The following PRIM2 variants were observed in gnomAD, a reference collection of about 807,000 sequenced individuals.
PRIM2 encodes the protein DNA primase large subunit.
PRIM2 carries 39 observed loss-of-function variants against 67.3 expected under a neutral mutation model. That is an observed-to-expected ratio of 0.58 (90% CI 0.45 to 0.76). PRIM2 has a LOEUF of 0.76. Ranked by LOEUF, PRIM2 falls within the 30% of genes least tolerant of loss-of-function variation. The probability of loss-of-function intolerance (pLI) is 0.00; values close to 1 mark genes in which losing one functional copy is unlikely to be tolerated. For synonymous variants in PRIM2, 143 were observed against 198.7 expected (o/e 0.72, Z 2.36); for missense variants, 398 against 598.7 (o/e 0.66, Z 3.50).
chr6:57,317,340 T>C (rs1171244575), upstream of PRIM2, among the ~76,000 whole-genome samples: 1 of 152,180 alleles, frequency 6.6e-6, no homozygotes, highest in Non-Finnish European at 1.5e-5. Context: ...GTTACATTGG[T>C]TCAATTTTCG....
intron 10 of PRIM2, among the ~76,000 whole-genome samples, chr6:57,577,621 G>T (rs1775987612): frequency 6.6e-6 from 1 of 151,950 alleles, no homozygotes; most frequent in Admixed American, 6.6e-5. Flanking sequence ...TAGAGATGGG[G>T]TTTCACCATA....
At chr6:57,223,173 T>C in the PRIM2 span, among the ~76,000 whole-genome samples, 1 of 152,194 alleles carries the variant, frequency 6.6e-6, no homozygotes, top group Non-Finnish European at 1.5e-5. Context: ...GGAAACCTAA[T>C]GCCCAGCATA....
chr6:57,597,645 C>T (rs1776389449), intron 10 of PRIM2, among the ~76,000 whole-genome samples: 2 of 152,020 alleles, frequency 1.3e-5, no homozygotes, highest in Non-Finnish European at 2.9e-5. Context: ...GAAGTAATAT[C>T]CTTTATAAAT....
At chr6:57,340,462 T>C (rs62418095) in intron 5 of PRIM2, among the ~76,000 whole-genome samples, 5 of 147,476 alleles carry the variant, frequency 3.4e-5, no homozygotes, top group African/African-American at 1.3e-4. Flanking sequence ...AACCCAAATG[T>C]CCAACAATGA....
chr6:57,508,019 C>T (rs1554347361), intron 8 of PRIM2, among the ~76,000 whole-genome samples: 3 of 152,204 alleles, frequency 2.0e-5, no homozygotes, highest in Non-Finnish European at 4.4e-5. Context: ...TCACTGCAAC[C>T]TCTGCCTCCC....
In PRIM2 at chr6:57,468,954, G is replaced by A. The variant is rs1295876005; in HGVS notation, c.694-38433G>A. ...TGATTTATTTCATTGAAGACCTTAG[G>A]CCTTGACTCCAGGCTTGTTGCAATT... is the stretch of plus-strand genomic sequence containing the variant. On this transcript the variant is annotated intron_variant, in intron 7 of 13. Transcript: ENST00000615550. Among the ~76,000 whole-genome samples the A allele has an allele frequency of 3.9e-5, 6 of 152,234 alleles. No individual in the cohort carries two copies. The East Asian group carries it at 9.7e-4, about 25-fold the overall frequency.
rs2127479723 is a variant in PRIM2, at chr6:57,565,729, C to T, written c.1020+28104C>T. On this transcript the variant is annotated intron_variant, in intron 10 of 13. Transcript: ENST00000615550. The stretch of plus-strand genomic sequence containing the variant: ...ATGTTTAGCTAAATATCTGGGCACG[C>T]TGTGATTTAGTCAAGTTGGCATGTG... Among the ~76,000 whole-genome samples, 2 of 152,248 alleles carry T rather than the reference C, an allele frequency of 1.3e-5. 1 individual carries two copies. The highest frequency in any genetic ancestry group is 4.1e-4 in the South Asian group (2 of 4,820).
intron 3 of PRIM2, among the ~76,000 whole-genome samples, chr6:57,322,117 AG>A (rs1406729947): frequency 6.6e-6 from 1 of 152,182 alleles, no homozygotes; most frequent in African/African-American, 2.4e-5. Flanking sequence ...TGAAAAGAGA[AG>A]AGAAATAGGG....
the PRIM2 span, among the ~76,000 whole-genome samples, chr6:57,280,390 T>A: frequency 1.4e-4 from 21 of 152,180 alleles, no homozygotes; most frequent in Non-Finnish European, 2.9e-4. Context: ...TGTATTCTTT[T>A]TTTTTTAAAT....
In PRIM2 at chr6:57,456,304, C is replaced by G. The variant is rs1268742387; in HGVS notation, c.694-51083C>G. Among the ~76,000 whole-genome samples, 3 of 152,306 alleles carry G rather than the reference C, an allele frequency of 2.0e-5. No individual in the cohort carries two copies. In the East Asian group the frequency reaches 5.8e-4, roughly 29 times the overall value. On this transcript the variant is annotated intron_variant, in intron 7 of 13. Coordinates refer to ENST00000615550, the MANE Select transcript of PRIM2 (RefSeq NM_000947.5). ...TCGAGGAGTATCTTTGTGGCATTCT[C>G]TGTGTTTCCTGAATTTGAATGTTGG... is the stretch of plus-strand genomic sequence containing the variant.
intron 8 of PRIM2, among the ~76,000 whole-genome samples, chr6:57,509,275 C>T (rs1774311060): frequency 6.6e-6 from 1 of 151,886 alleles, no homozygotes; most frequent in Non-Finnish European, 1.5e-5. Context: ...GACTGAATAG[C>T]ATACATTTTT....
At chr6:57,604,194 G>A (rs1240323966) in intron 11 of PRIM2, among the ~76,000 whole-genome samples, 1 of 152,088 alleles carries the variant, frequency 6.6e-6, no homozygotes, top group Non-Finnish European at 1.5e-5. Flanking sequence ...GCGTGCACCT[G>A]TAATTCCAGC....
intron 5 of PRIM2, among the ~76,000 whole-genome samples, chr6:57,363,995 C>G (rs1769274731): frequency 6.6e-6 from 1 of 151,032 alleles, no homozygotes; most frequent in African/African-American, 2.4e-5. Context: ...GAACTATTTC[C>G]CAGTTTGTTA....
intron 7 of PRIM2, among the ~76,000 whole-genome samples, chr6:57,445,931 C>G (rs1292171683): frequency 6.6e-6 from 1 of 152,192 alleles, no homozygotes; most frequent in Non-Finnish European, 1.5e-5. Flanking sequence ...TCCCAGCAGC[C>G]TGACACACCA....
At chr6:57,240,804 T>C in the PRIM2 span, among the ~76,000 whole-genome samples, 145,716 of 152,256 alleles carry the variant, frequency 0.96, 69,757 homozygotes, top group South Asian at 0.99. Context: ...AACAAAAATA[T>C]TAAGCTGCGC....
In PRIM2 at chr6:57,429,209, G is replaced by A. The variant is rs1388929496; in HGVS notation, c.693+47041G>A. 3.3e-5 allele frequency among the ~76,000 whole-genome samples: 5 copies of A among 152,150 alleles called. No homozygotes were observed. The East Asian group carries it at 5.8e-4, about 18-fold the overall frequency. On this transcript the variant is annotated intron_variant, in intron 7 of 13. Transcript: ENST00000615550. ...TTTTGCCCTATGGGAGGGAGATTGG[G>A]CTCAACTCAGAATATAACAAGGACA... is the stretch of plus-strand genomic sequence containing the variant.
At chr6:57,519,406 G>T (rs1164191412) in intron 8 of PRIM2, among the ~76,000 whole-genome samples, 2 of 152,206 alleles carry the variant, frequency 1.3e-5, no homozygotes, top group African/African-American at 2.4e-5. Context: ...ACGCCCAGGG[G>T]GGCCGTTCAT....
At chr6:57,547,118 A>G (rs1775302953) in intron 10 of PRIM2, among the ~76,000 whole-genome samples, 1 of 152,148 alleles carries the variant, frequency 6.6e-6, no homozygotes, top group Non-Finnish European at 1.5e-5. Flanking sequence ...TACAAATAAA[A>G]TTTAATTAGT....
intron 12 of PRIM2, among the ~76,000 whole-genome samples, chr6:57,626,064 T>A (rs1776945069): frequency 6.6e-6 from 1 of 152,262 alleles, no homozygotes; most frequent in Admixed American, 6.5e-5. Context: ...TTATCACTTT[T>A]AAATAAGACA....
Sources: allele counts gnomAD v4.1 joint callset (sites outside exome capture counted in the v4.1 genomes callset), GRCh38; gene constraint gnomAD v4.1.1; transcripts MANE v1.5; gene names NCBI Gene and HGNC (gene_info 2026-07-23, HGNC 2026-07-21).